Variants in EXD3 observed in about 807,000 individuals in gnomAD.
The protein encoded by EXD3 is exonuclease mut-7 homolog.
EXD3 carries 92 observed loss-of-function variants against 98.0 expected under a neutral mutation model. The ratio of observed to expected loss-of-function variants is 0.94; its 90% CI spans 0.79 to 1.12. The LOEUF (loss-of-function observed/expected upper bound fraction) is 1.12. EXD3 is among the 50% of genes most tolerant of loss of function. The pLI is 0.00. For synonymous variants in EXD3, 569 were observed against 526.0 expected (o/e 1.08, Z -1.12); for missense variants, 1,222 against 1,191.6 (o/e 1.03, Z -0.38).
intron 3 of EXD3, among the ~76,000 whole-genome samples, chr9:137,382,737 G>A (rs1836379414): frequency 1.3e-5 from 2 of 152,132 alleles, no homozygotes; most frequent in East Asian, 1.9e-4. Context: ...GGCGTCCCCC[G>A]GACCTGCAGG....
In EXD3 at chr9:137,324,041, T is replaced by C; in HGVS notation, c.2052+49A>G. The C allele has an allele frequency of 6.4e-7, 1 of 1,557,716 alleles. No individual in the cohort carries two copies. The highest frequency in any genetic ancestry group is 8.7e-7 in the Non-Finnish European group (1 of 1,149,992). On this transcript the variant is annotated intron_variant, in intron 18 of 21. Coordinates refer to ENST00000340951, the MANE Select transcript of EXD3 (RefSeq NM_017820.5). The surrounding 1 kb of genome is among the most constrained non-coding windows in gnomAD (Gnocchi z 4.1). The stretch of plus-strand genomic sequence containing the variant: ...TGGGGGTGGCCGAGGGGCTGGGGGC[T>C]TGGGAAGATGGGGCTCAGGCCCACT...
chr9:137,327,041 G>T (rs1031785412), intron 17 of EXD3, among the ~76,000 whole-genome samples: 1 of 152,054 alleles, frequency 6.6e-6, no homozygotes, highest in Non-Finnish European at 1.5e-5. Context: ...CGTCTACGAG[G>T]TACCTAGGAC....
chr9:137,308,196 T>C (rs1438260153), intron 20 of EXD3, among the ~76,000 whole-genome samples: 2 of 152,072 alleles, frequency 1.3e-5, no homozygotes, highest in Non-Finnish European at 2.9e-5. Flanking sequence ...GAGTGCACGG[T>C]AGCCGAGGGA....
Position 137,307,091 on chromosome 9 carries a change from G to A in EXD3, c.2490C>T (p.Tyr830=), listed in dbSNP as rs1311173597. 9.9e-6 allele frequency: 16 copies of A among 1,610,646 alleles called. No homozygotes were observed. The African/African-American group carries it at 1.3e-4, about 13-fold the overall frequency. Residue 830 remains tyrosine, a synonymous_variant, in exon 22 of 22, where the codon TAC becomes TAT. Coordinates refer to ENST00000340951, the MANE Select transcript of EXD3 (RefSeq NM_017820.5). ...AGACCTTTCCACAGCCCGTGCAGCA[G>A]TAGAAGCACCGCAGCCCAGGTGTCC... ...VLRTPGLRCF[Y]CCTGCGKVFW... is the part of the protein sequence containing the mutation.
At position 137,395,427 on chromosome 9, in the gene EXD3, G is replaced by C; in HGVS notation, c.-47-23C>G. On this transcript the variant is annotated intron_variant, in intron 1 of 21. Transcript: ENST00000340951. The surrounding 1 kb of genome is among the most constrained non-coding windows in gnomAD (Gnocchi z 6.5). ...GATCTGCAGAAACAGACAATCAGGT[G>C]AATGCAGAGCCCACTGCAACAGGCA... The C allele has an allele frequency of 1.2e-6, 2 of 1,607,560 alleles. No individual in the cohort carries two copies. Among genetic ancestry groups the C allele is most frequent in the Non-Finnish European group, 1.7e-6 (2 of 1,175,890 alleles).
chr9:137,314,430 T>C (rs1831530997), intron 19 of EXD3, among the ~76,000 whole-genome samples: 1 of 152,118 alleles, frequency 6.6e-6, no homozygotes, highest in Non-Finnish European at 1.5e-5. Flanking sequence ...TGGGGAGGTG[T>C]GTGCAGCTGG....
intron 20 of EXD3, among the ~76,000 whole-genome samples, chr9:137,308,368 C>T (rs1372063020): frequency 6.6e-5 from 10 of 152,146 alleles, no homozygotes; most frequent in Admixed American, 1.3e-4. Context: ...GCCCAGGAGG[C>T]CATGACCCTC....
intron 9 of EXD3, 72 bp downstream of exon 9, chr9:137,354,624 CAGTG>C: frequency 6.3e-7 from 1 of 1,592,536 alleles, no homozygotes; most frequent in Non-Finnish European, 8.5e-7. Context: ...CTGCAGTGCG[CAGTG>C]AGTATCCCAG....
Position 137,393,165 on chromosome 9 carries a change from C to T in EXD3, c.55+2138G>A, listed in dbSNP as rs143192947. ...GAGGCTGTTCCAGGGGCCCTGCTAG[C>T]TGGGGTGTTGCACTTTGAAAACATC... On this transcript the variant is annotated intron_variant, in intron 2 of 21. Transcript: ENST00000340951. The surrounding 1 kb of genome is among the most constrained non-coding windows in gnomAD (Gnocchi z 4.6). 6.4e-4 allele frequency: 447 copies of T among 702,436 alleles called. 1 individual carries two copies. In the African/African-American group the frequency reaches 7.1e-3, roughly 11 times the overall value. 43.5% of individuals were successfully genotyped at this position (702,436 alleles called of 1,614,324 possible). A position where few individuals can be genotyped will look rare whatever the true frequency, so the allele number is the denominator to read the frequency against.
rs373757202 is a variant in EXD3 at position 137,316,173 on chromosome 9, C to T, written c.2185-6473G>A. Among the ~76,000 whole-genome samples, 3 of 151,792 alleles carry T rather than the reference C, an allele frequency of 2.0e-5. No individual in the cohort carries two copies. In the South Asian group the frequency reaches 6.2e-4, roughly 31 times the overall value. On this transcript the variant is annotated intron_variant, in intron 19 of 21. Coordinates refer to ENST00000340951, the MANE Select transcript of EXD3 (RefSeq NM_017820.5). ...GCCGTGAGAACCCGCCGGGCCGGGC[C>T]GCGTGGGAAAGTGGGAGGAGGGGCG...
chr9:137,388,267 T>C (rs971970240), intron 2 of EXD3, among the ~76,000 whole-genome samples: 2 of 152,038 alleles, frequency 1.3e-5, no homozygotes, highest in Non-Finnish European at 2.9e-5. Context: ...GGGGTTGGCC[T>C]GAGGGTGTCC....
intron 2 of EXD3, among the ~76,000 whole-genome samples, chr9:137,387,161 C>G (rs578078265): frequency 0.016 from 1,154 of 73,810 alleles, 54 homozygotes; most frequent in South Asian, 0.02. Flanking sequence ...CCTCGGCCCC[C>G]GCTCCCTGCC....
At chr9:137,408,563 A>AAAAAAAAAAAAAAAAAC (rs1837849178) in intron 1 of EXD3, among the ~76,000 whole-genome samples, 1 of 149,054 alleles carries the variant, frequency 6.7e-6, no homozygotes, top group Non-Finnish European at 1.5e-5. Flanking sequence ...AAAAAAAAAA[A>AAAAAAAAAAAAAAAAAC]AAGAGGGCTC....
chr9:137,333,903 C>T (rs867711858), intron 17 of EXD3, among the ~76,000 whole-genome samples: 2 of 151,882 alleles, frequency 1.3e-5, no homozygotes, highest in African/African-American at 4.8e-5. Context: ...AGTGCAGTGA[C>T]GTCATCTCCG....
At chr9:137,309,581 C>A (rs1038615955) in intron 20 of EXD3, 26 bp downstream of exon 20, 13 of 1,539,066 alleles carry the variant, frequency 8.4e-6, no homozygotes, top group Middle Eastern at 3.7e-4. Flanking sequence ...CCCCCCAGAC[C>A]CAGTGCCTGA....
chr9:137,364,770 G>GTTTTTTTTT (rs34642939), intron 7 of EXD3, among the ~76,000 whole-genome samples: 1 of 132,130 alleles, frequency 7.6e-6, no homozygotes. Flanking sequence ...TTTGTTCTAT[G>GTTTTTTTTT]TTTTTTTTTT....
intron 7 of EXD3, among the ~76,000 whole-genome samples, chr9:137,362,049 C>T (rs778361683): frequency 2.1e-4 from 32 of 152,090 alleles, no homozygotes; most frequent in Admixed American, 3.9e-4. Context: ...ATAGGCAATC[C>T]GAATAGCCCT....
At position 137,323,770 on chromosome 9, in the gene EXD3, A is replaced by G. The variant is rs928608089; in HGVS notation, c.2139T>C (p.His713=). ...CTGCGTGGGTGACACGCACGTTGAAATGCTTGAGCACAGCCTTGGCCTGCT... is the reference window on the plus strand; with the variant it reads ...CTGCGTGGGTGACACGCACGTTGAAGTGCTTGAGCACAGCCTTGGCCTGCT... ...AQQQAKAVLK[H]FNVRVTHADI... is the part of the protein sequence containing the mutation. Residue 713 remains histidine (H), a synonymous_variant, in exon 19 of 22, where the codon CAT becomes CAC. Coordinates refer to ENST00000340951, the MANE Select transcript of EXD3 (RefSeq NM_017820.5). 3 of 1,612,350 alleles carry G rather than the reference A, an allele frequency of 1.9e-6. No homozygotes were observed. The highest frequency in any genetic ancestry group is 2.2e-5 in the East Asian group (1 of 44,870).
At position 137,367,955 on chromosome 9, in the gene EXD3, G is replaced by T. The variant is rs372549468; in HGVS notation, c.497C>A (p.Ser166Ter). 8 of 1,611,934 alleles carry T rather than the reference G, an allele frequency of 5.0e-6. No homozygotes were observed. The highest frequency in any genetic ancestry group is 6.8e-6 in the Non-Finnish European group (8 of 1,179,698). ...ATLGATLKLQ[S>*]ELGVEKMSIP... The stretch of plus-strand genomic sequence containing the variant: ...GTTCACCTTTTCAACGCCAAGCTCC[G>T]ACTGCAGCTTCAACGTCGCGCCCAG... The change falls in exon 6 of 22, where the codon TCG (serine) becomes TAG (stop). Residue 166 changes from serine to a stop codon, truncating the protein, a stop_gained. Coordinates refer to ENST00000340951, the MANE Select transcript of EXD3 (RefSeq NM_017820.5). LOFTEE classifies it high-confidence loss of function.
Sources: allele counts gnomAD v4.1 joint callset (sites outside exome capture counted in the v4.1 genomes callset), GRCh38; gene constraint gnomAD v4.1.1; non-coding constraint Gnocchi (gnomAD v3.1); transcripts MANE v1.5; gene names NCBI Gene and HGNC (gene_info 2026-07-23, HGNC 2026-07-21).